The following ANTXR1 variants were observed in gnomAD, a reference collection of about 807,000 sequenced individuals.
The protein encoded by ANTXR1 is anthrax toxin receptor 1.
Under a neutral mutation model 78.1 loss-of-function variants are expected in ANTXR1, and 19 were observed. That is an observed-to-expected ratio of 0.24 (90% CI 0.17 to 0.36). The LOEUF is 0.36. Ranked by LOEUF, ANTXR1 falls within the 10% of genes least tolerant of loss-of-function variation. The pLI is 1.00. For missense variants in ANTXR1, 518 were observed against 718.6 expected, an observed-to-expected ratio of 0.72 and a Z score of 3.19; for synonymous variants, 273 against 260.5, an observed-to-expected ratio of 1.05 and a Z score of -0.46.
At chr2:69,213,332 A>G (rs1272559783) in intron 17 of ANTXR1, among the ~76,000 whole-genome samples, 1 of 152,176 alleles carries the variant, frequency 6.6e-6, no homozygotes, top group Non-Finnish European at 1.5e-5. Context: ...TGGGCAGCCT[A>G]TAATCTCTTT....
At chr2:69,141,579 T>C (rs1224159083) in intron 12 of ANTXR1, among the ~76,000 whole-genome samples, 3 of 152,220 alleles carry the variant, frequency 2.0e-5, no homozygotes, top group Non-Finnish European at 4.4e-5. Context: ...TGTGTGACAG[T>C]CATTCTGTTT....
At chr2:69,224,787 ACT>A (rs963423990) in intron 17 of ANTXR1, among the ~76,000 whole-genome samples, 10 of 151,950 alleles carry the variant, frequency 6.6e-5, no homozygotes, top group Admixed American at 2.6e-4. Flanking sequence ...TCTCAACTCC[ACT>A]CTCTGTTACA....
intron 10 of ANTXR1, among the ~76,000 whole-genome samples, chr2:69,120,160 G>A (rs966951122): frequency 2.6e-5 from 4 of 152,076 alleles, no homozygotes; most frequent in Admixed American, 6.5e-5. Context: ...ATCATCTAAC[G>A]CAAAGCCTAT....
intron 1 of ANTXR1, among the ~76,000 whole-genome samples, chr2:69,035,974 A>G (rs1172852757): frequency 6.6e-6 from 1 of 152,248 alleles, no homozygotes; most frequent in Admixed American, 6.5e-5. Context: ...TGAAAATGAC[A>G]TGTTTTAAGA....
chr2:69,230,942 T>C (rs546678322), intron 17 of ANTXR1, among the ~76,000 whole-genome samples: 1 of 152,330 alleles, frequency 6.6e-6, no homozygotes, highest in East Asian at 1.9e-4. Flanking sequence ...TCTCTTTTGC[T>C]CCTCTCCCTC....
chr2:69,109,354 G>A (rs972503495), intron 10 of ANTXR1, among the ~76,000 whole-genome samples: 1 of 152,134 alleles, frequency 6.6e-6, no homozygotes, highest in Non-Finnish European at 1.5e-5. Context: ...ATTCCAAGGG[G>A]ACTTTTTAAG....
At chr2:69,069,534 C>T (rs371825728) in intron 3 of ANTXR1, among the ~76,000 whole-genome samples, 12 of 152,304 alleles carry the variant, frequency 7.9e-5, no homozygotes, top group Middle Eastern at 3.4e-3. Context: ...ATGCCAGGTT[C>T]CCACTTCCTC....
chr2:69,191,530 T>C (rs760824425), intron 16 of ANTXR1, among the ~76,000 whole-genome samples: 32 of 152,304 alleles, frequency 2.1e-4, no homozygotes, highest in Non-Finnish European at 4.0e-4. Flanking sequence ...CATTTTACAT[T>C]TTGGCCCAGT....
rs142388023 is a variant in ANTXR1 at position 69,104,980 on chromosome 2, G to A, written c.802+2040G>A. Among the ~76,000 whole-genome samples, 25 of 152,276 alleles carry A rather than the reference G, an allele frequency of 1.6e-4. No individual in the cohort carries two copies. The East Asian group carries it at 4.8e-3, about 29-fold the overall frequency. ...CACACCTGTGGTCCCCAGCTACTCT[G>A]GAGCCTGAGGCTGAAGGATCACTTG... On this transcript the variant is annotated intron_variant, in intron 10 of 17. Transcript: ENST00000303714.
At chr2:69,244,366 AGTTCCT>A (rs1675965051) in intron 17 of ANTXR1, among the ~76,000 whole-genome samples, 1 of 152,232 alleles carries the variant, frequency 6.6e-6, no homozygotes, top group Non-Finnish European at 1.5e-5. Context: ...ACAGGTTGTC[AGTTCCT>A]GTGACAACAA....
intron 17 of ANTXR1, among the ~76,000 whole-genome samples, chr2:69,200,695 G>A (rs900774771): frequency 1.3e-5 from 2 of 152,164 alleles, no homozygotes; most frequent in Admixed American, 6.5e-5. Flanking sequence ...TTTCTGGGCT[G>A]AGCACTAGGG....
chr2:69,112,971 TAA>T, intron 10 of ANTXR1, among the ~76,000 whole-genome samples: 1 of 152,086 alleles, frequency 6.6e-6, no homozygotes, highest in South Asian at 2.1e-4. Context: ...CAGTTGGGAG[TAA>T]AAGAGTTTAT....
intron 9 of ANTXR1, among the ~76,000 whole-genome samples, chr2:69,095,641 G>T (rs908172748): frequency 2.0e-5 from 3 of 152,176 alleles, no homozygotes; most frequent in Non-Finnish European, 4.4e-5. Context: ...AATTCAGTGA[G>T]GCAGATTTTG....
intron 2 of ANTXR1, among the ~76,000 whole-genome samples, chr2:69,044,331 T>A (rs1330346574): frequency 1.3e-5 from 2 of 152,108 alleles, no homozygotes; most frequent in African/African-American, 4.8e-5. Context: ...AAGCTGCAAC[T>A]CATCATTAGA....
chr2:69,077,379 A>T (rs748303236), intron 7 of ANTXR1, 29 bp from the exon 8 acceptor site: 5 of 1,613,314 alleles, frequency 3.1e-6, no homozygotes, highest in Admixed American at 1.7e-5. Flanking sequence ...CAGTCTCCCC[A>T]TGTGTTTGTG....
At chr2:69,169,195 C>T (rs1673909173) in intron 13 of ANTXR1, among the ~76,000 whole-genome samples, 3 of 152,274 alleles carry the variant, frequency 2.0e-5, no homozygotes, top group Admixed American at 1.3e-4. Flanking sequence ...AAAATGGGTC[C>T]TGTGGGCTGT....
chr2:69,181,992 A>G (rs1351105020), intron 15 of ANTXR1, 111 bp downstream of exon 15: 4 of 1,046,652 alleles, frequency 3.8e-6, no homozygotes, highest in Middle Eastern at 2.3e-4. Flanking sequence ...CCAGGGCAGT[A>G]TGGCCGTAGA....
chr2:69,165,702 C>T (rs893988719), intron 13 of ANTXR1, among the ~76,000 whole-genome samples: 3 of 152,234 alleles, frequency 2.0e-5, no homozygotes, highest in Admixed American at 6.5e-5. Context: ...CAGCCGTCAT[C>T]TGGTAGGTGG....
intron 8 of ANTXR1, among the ~76,000 whole-genome samples, chr2:69,083,555 C>T (rs192228533): frequency 2.0e-5 from 3 of 152,302 alleles, no homozygotes; most frequent in Non-Finnish European, 2.9e-5. Flanking sequence ...TGCCATTCCT[C>T]CTGGTCACAT....
Sources: gnomAD v4.1 joint callset for allele counts (sites outside exome capture counted in the v4.1 genomes callset) on GRCh38, gnomAD v4.1.1 for gene constraint, MANE v1.5 for transcripts, NCBI Gene and HGNC (gene_info 2026-07-23, HGNC 2026-07-21) for gene names.